The following AK7 variants were observed in gnomAD, a reference collection of about 807,000 sequenced individuals.
AK7 encodes the protein ATP-AMP transphosphorylase 7.
A neutral mutation model predicts 96.6 loss-of-function variants in AK7; 78 were observed. The ratio of observed to expected loss-of-function variants is 0.81; its 90% CI spans 0.67 to 0.97. The LOEUF (loss-of-function observed/expected upper bound fraction) is 0.97, where lower values mean the gene tolerates loss of function less well. AK7 is among the 50% of genes least tolerant of loss of function. AK7 has a pLI of 0.00. For missense variants in AK7, 855 were observed against 887.9 expected (o/e 0.96, Z 0.47); for synonymous variants, 302 against 317.2 (o/e 0.95, Z 0.51).
chr14:96,432,202 CTT>C (rs71103525), intron 5 of AK7, among the ~76,000 whole-genome samples: 17,772 of 101,156 alleles, frequency 0.18, 900 homozygotes, highest in East Asian at 0.45. Flanking sequence ...GCAACCCCTG[CTT>C]TTTTTTTTTT....
intron 12 of AK7, among the ~76,000 whole-genome samples, chr14:96,467,499 C>A (rs577641356): frequency 1.3e-3 from 194 of 152,218 alleles, no homozygotes; most frequent in South Asian, 5.2e-3. Context: ...CCACACCCGG[C>A]TAATTTTTTT....
intron 13 of AK7, among the ~76,000 whole-genome samples, chr14:96,472,302 C>T (rs1894940351): frequency 6.6e-6 from 1 of 152,194 alleles, no homozygotes; most frequent in African/African-American, 2.4e-5. Context: ...GCTGGGACTA[C>T]AGGCGTGCAT....
chr14:96,449,468 C>T lies in AK7; in HGVS notation c.871-334C>T, dbSNP rs191725780. ...TTTGCTTTTGAGATGGAGTCTCGCTCTATCGCCCAGGCTGGAGTGCAGTGG... is the reference window on the plus strand; with the variant it reads ...TTTGCTTTTGAGATGGAGTCTCGCTTTATCGCCCAGGCTGGAGTGCAGTGG... On this transcript the variant is annotated intron_variant, in intron 8 of 17. Coordinates refer to ENST00000267584, the MANE Select transcript of AK7 (RefSeq NM_152327.5). Among the ~76,000 whole-genome samples, 5 of 152,344 alleles carry T rather than the reference C, an allele frequency of 3.3e-5. No homozygotes were observed. In the East Asian group the frequency reaches 9.6e-4, roughly 29 times the overall value.
chr14:96,392,713 G>C (rs1261741817), intron 1 of AK7, among the ~76,000 whole-genome samples: 3 of 152,020 alleles, frequency 2.0e-5, no homozygotes, highest in Non-Finnish European at 4.4e-5. Flanking sequence ...GCCCAGGCTG[G>C]AGTGCAGTGG....
chr14:96,430,351 A>T (rs1414640404), intron 5 of AK7, among the ~76,000 whole-genome samples: 1 of 151,756 alleles, frequency 6.6e-6, no homozygotes, highest in Non-Finnish European at 1.5e-5. Flanking sequence ...ACGCCTGGCT[A>T]ATTTTTTGTA....
At chr14:96,428,680 T>C (rs959330050) in intron 5 of AK7, among the ~76,000 whole-genome samples, 4 of 152,214 alleles carry the variant, frequency 2.6e-5, no homozygotes, top group South Asian at 4.1e-4. Context: ...TGGTATCTCA[T>C]TGTGGTTTTG....
chr14:96,396,365 G>A (rs536677913), intron 1 of AK7, among the ~76,000 whole-genome samples: 24 of 152,302 alleles, frequency 1.6e-4, no homozygotes, highest in Admixed American at 3.3e-4. Context: ...GCTGTGTCTC[G>A]TCGTTAGGCT....
chr14:96,459,574 A>G (rs1192940428), intron 12 of AK7, among the ~76,000 whole-genome samples: 1 of 152,096 alleles, frequency 6.6e-6, no homozygotes, highest in Non-Finnish European at 1.5e-5. Context: ...AAAAAAATGG[A>G]TGAGGCCGGG....
At chr14:96,411,262 C>T (rs1891011427) in intron 4 of AK7, among the ~76,000 whole-genome samples, 1 of 152,186 alleles carries the variant, frequency 6.6e-6, no homozygotes. Context: ...ATAATCCCAA[C>T]ACTTTGGAAG....
At chr14:96,463,515 C>T (rs530005106) in intron 12 of AK7, among the ~76,000 whole-genome samples, 151 of 151,960 alleles carry the variant, frequency 9.9e-4, no homozygotes, top group African/African-American at 3.3e-3. Context: ...GTCAGGAGAT[C>T]GACACCATCC....
intron 14 of AK7, among the ~76,000 whole-genome samples, chr14:96,475,762 A>G (rs1170387606): frequency 6.6e-6 from 1 of 152,100 alleles, no homozygotes; most frequent in Non-Finnish European, 1.5e-5. Flanking sequence ...GCTTGAGTCC[A>G]GGAGTTGGAG....
intron 7 of AK7, among the ~76,000 whole-genome samples, chr14:96,443,998 A>G (rs970614016): frequency 6.6e-6 from 1 of 151,950 alleles, no homozygotes; most frequent in African/African-American, 2.4e-5. Flanking sequence ...GATGGTCTCC[A>G]TCTCCTGACC....
chr14:96,438,024 C>T (rs1307519944), intron 6 of AK7, 109 bp downstream of exon 6: 4 of 880,242 alleles, frequency 4.5e-6, no homozygotes, highest in Non-Finnish European at 6.9e-6. Context: ...AGTAGAATAG[C>T]AGAAGATGAA....
chr14:96,443,065 G>T (rs1893045417), intron 7 of AK7, among the ~76,000 whole-genome samples: 1 of 152,192 alleles, frequency 6.6e-6, no homozygotes, highest in South Asian at 2.1e-4. Flanking sequence ...ACTATCGACA[G>T]AATAGCAATG....
At chr14:96,441,191 G>A (rs151316579) in intron 6 of AK7, among the ~76,000 whole-genome samples, 17 of 152,294 alleles carry the variant, frequency 1.1e-4, no homozygotes, top group African/African-American at 3.4e-4. Context: ...AGGCATTTGT[G>A]TCAGGTGAGC....
chr14:96,465,785 G>A (rs751177626), intron 12 of AK7, among the ~76,000 whole-genome samples: 6 of 152,076 alleles, frequency 3.9e-5, no homozygotes, highest in African/African-American at 7.2e-5. Flanking sequence ...GCCGAGGCAG[G>A]CAGATCATGA....
At chr14:96,454,993 C>A (rs1286863378) in intron 10 of AK7, among the ~76,000 whole-genome samples, 1 of 151,942 alleles carries the variant, frequency 6.6e-6, no homozygotes, top group Non-Finnish European at 1.5e-5. Context: ...GGTGAAACCC[C>A]ATTTCTACTA....
intron 12 of AK7, among the ~76,000 whole-genome samples, chr14:96,465,319 C>T (rs997737236): frequency 2.6e-5 from 4 of 151,974 alleles, no homozygotes; most frequent in Admixed American, 6.6e-5. Flanking sequence ...AAATATTAGC[C>T]GGGCGTGGTG....
chr14:96,396,867 T>C (rs1890110948), intron 1 of AK7, among the ~76,000 whole-genome samples: 1 of 152,344 alleles, frequency 6.6e-6, no homozygotes, highest in East Asian at 1.9e-4. Context: ...CCATTGAACA[T>C]TTAAATGTGG....
Sources: allele counts gnomAD v4.1 joint callset (sites outside exome capture counted in the v4.1 genomes callset), GRCh38; gene constraint gnomAD v4.1.1; transcripts MANE v1.5; gene names NCBI Gene and HGNC (gene_info 2026-07-23, HGNC 2026-07-21).